SLC17A3: variants seen among roughly 807,000 people sequenced by gnomAD.
SLC17A3 encodes solute carrier family 17 member 3.
A neutral mutation model predicts 60.3 loss-of-function variants in SLC17A3; 61 were observed. That is an observed-to-expected ratio of 1.01 (90% CI 0.82 to 1.25). The LOEUF is 1.25. Among genes scored for constraint, SLC17A3 ranks in the 50% most tolerant of loss-of-function variants. SLC17A3 has a pLI of 0.00. For missense variants in SLC17A3, 624 were observed against 594.9 expected (o/e 1.05, Z -0.51); for synonymous variants, 192 against 208.9 (o/e 0.92, Z 0.70).
chr6:25,846,897 C>G (rs1765183262), intron 11 of SLC17A3, among the ~76,000 whole-genome samples: 1 of 152,094 alleles, frequency 6.6e-6, no homozygotes, highest in Non-Finnish European at 1.5e-5. Flanking sequence ...AGTGTGAGCC[C>G]ACCGCACCTG....
chr6:25,845,619 T>TAGA (rs1407422063), intron 11 of SLC17A3, 103 bp from the exon 12 acceptor site: 3 of 1,320,940 alleles, frequency 2.3e-6, no homozygotes, highest in Non-Finnish European at 2.2e-6. Context: ...GGTTTCCTTG[T>TAGA]AGAAATTCAT....
chr6:25,869,019 T>A (rs1026574707), intron 1 of SLC17A3, among the ~76,000 whole-genome samples: 1 of 152,068 alleles, frequency 6.6e-6, no homozygotes, highest in East Asian at 1.9e-4. Context: ...CGCTGATATG[T>A]GTGTCACTCA....
intron 1 of SLC17A3, among the ~76,000 whole-genome samples, chr6:25,873,736 T>C (rs1236084823): frequency 6.6e-6 from 1 of 152,084 alleles, no homozygotes; most frequent in African/African-American, 2.4e-5. Flanking sequence ...ATAATTATTA[T>C]TGCCACTCTT....
rs1310164509 is a variant in SLC17A3 at position 25,849,529 on chromosome 6, T to A, written c.1272-65A>T. On this transcript the variant is annotated intron_variant, in intron 10 of 12. Transcript: ENST00000397060. ...GTTTGACAGTATCCTTCAGCCCTGA[T>A]CCATGTATGAATCTATAACTCAATT... 5 of 958,622 alleles carry A rather than the reference T, an allele frequency of 5.2e-6. No individual in the cohort carries two copies. In the Admixed American group the frequency reaches 8.5e-5, roughly 16 times the overall value. The allele number at this position is 958,622 out of a possible 1,614,324, so 59.4% of individuals were successfully genotyped here. A position where few individuals can be genotyped will look rare whatever the true frequency, so the allele number is the denominator to read the frequency against.
intron 6 of SLC17A3, among the ~76,000 whole-genome samples, chr6:25,853,714 G>T (rs1172769914): frequency 6.6e-6 from 1 of 151,876 alleles, no homozygotes; most frequent in Non-Finnish European, 1.5e-5. Context: ...CACCGCACCC[G>T]GCCTTCTGCA....
chr6:25,846,845 T>A (rs1448631354), intron 11 of SLC17A3, among the ~76,000 whole-genome samples: 1 of 152,156 alleles, frequency 6.6e-6, no homozygotes, highest in Admixed American at 6.5e-5. Context: ...TCTCCTGACC[T>A]CGTGATTGCC....
chr6:25,846,298 C>T (rs1383018719), intron 11 of SLC17A3, among the ~76,000 whole-genome samples: 1 of 152,124 alleles, frequency 6.6e-6, no homozygotes, highest in East Asian at 1.9e-4. Flanking sequence ...ATGTTCATAG[C>T]AGCCTTATTG....
intron 6 of SLC17A3, among the ~76,000 whole-genome samples, chr6:25,853,171 C>T (rs74802912): frequency 3.3e-5 from 5 of 151,966 alleles, no homozygotes; most frequent in Non-Finnish European, 7.4e-5. Context: ...GTGTAGGCAC[C>T]GTCCTCAGCC....
At chr6:25,863,290 G>A (rs528479042) in intron 2 of SLC17A3, among the ~76,000 whole-genome samples, 2 of 152,210 alleles carry the variant, frequency 1.3e-5, no homozygotes, top group South Asian at 4.1e-4. Context: ...AGTTTCAAAG[G>A]TTAGGTCTCT....
chr6:25,869,218 A>C (rs768398369), intron 1 of SLC17A3, among the ~76,000 whole-genome samples: 16 of 152,100 alleles, frequency 1.1e-4, no homozygotes, highest in Non-Finnish European at 2.1e-4. Context: ...ATGCCCAAGG[A>C]GATTTTTATG....
chr6:25,865,566 ACTAATGG>A (rs1162259783), intron 2 of SLC17A3, among the ~76,000 whole-genome samples: 1 of 151,994 alleles, frequency 6.6e-6, no homozygotes, highest in African/African-American at 2.4e-5. Context: ...AAACCAAGAG[ACTAATGG>A]CTTACAAATG....
chr6:25,846,969 A>G (rs535714203), intron 11 of SLC17A3, among the ~76,000 whole-genome samples: 1 of 152,272 alleles, frequency 6.6e-6, no homozygotes, highest in South Asian at 2.1e-4. Context: ...CAGTTGTGGT[A>G]TATAGGTAAA....
At chr6:25,871,385 A>C (rs528461284) in intron 1 of SLC17A3, among the ~76,000 whole-genome samples, 1 of 151,924 alleles carries the variant, frequency 6.6e-6, no homozygotes, top group East Asian at 2.0e-4. Flanking sequence ...AAAATATCGC[A>C]AGGACAAAAA....
chr6:25,857,672 G>A (rs368467629), intron 5 of SLC17A3, among the ~76,000 whole-genome samples: 4 of 152,122 alleles, frequency 2.6e-5, no homozygotes, highest in Admixed American at 6.5e-5. Flanking sequence ...CTTGCCAAAG[G>A]TCACATTGTT....
At chr6:25,860,679 G>A (rs1390829032) in intron 5 of SLC17A3, among the ~76,000 whole-genome samples, 1 of 152,182 alleles carries the variant, frequency 6.6e-6, no homozygotes, top group African/African-American at 2.4e-5. Context: ...GTAGGCTACT[G>A]AGATTCGTCT....
At chr6:25,865,398 AG>A (rs1255777721) in intron 2 of SLC17A3, among the ~76,000 whole-genome samples, 1 of 151,996 alleles carries the variant, frequency 6.6e-6, no homozygotes, top group Non-Finnish European at 1.5e-5. Context: ...ACTGAAACAT[AG>A]TATCTTTGTA....
chr6:25,868,417 T>A lies in SLC17A3; in HGVS notation c.-30A>T. 1 of 1,560,908 alleles carries A rather than the reference T, an allele frequency of 6.4e-7. No individual in the cohort carries two copies. The highest frequency in any genetic ancestry group is 8.8e-7 in the Non-Finnish European group (1 of 1,132,400). ...TTTCTCCTCTCCTAGTGAATGGTTT[T>A]CACCTATCAGGGAGATATGTAATTC... On this transcript the variant is annotated 5_prime_UTR_variant, in exon 2 of 13. Coordinates refer to ENST00000397060, the MANE Select transcript of SLC17A3 (RefSeq NM_001098486.2).
rs756207553 is a variant in SLC17A3 at position 25,851,319 on chromosome 6, TG to T, written c.713-443del. ...TCTGAATAAAAATCCTTATTATACA[TG>T]TGTTTTGCAATTATTTTCTCCTGGG... On this transcript the variant is annotated intron_variant, in intron 6 of 12. Coordinates refer to ENST00000397060, the MANE Select transcript of SLC17A3 (RefSeq NM_001098486.2). 8.2e-4 allele frequency among the ~76,000 whole-genome samples: 125 copies of T among 152,060 alleles called. 1 individual carries two copies. The highest frequency in any genetic ancestry group is 1.5e-3 in the Non-Finnish European group (102 of 67,942).
At chr6:25,849,742 G>C (rs1765238873) in intron 10 of SLC17A3, 63 bp downstream of exon 10, 1 of 1,572,658 alleles carries the variant, frequency 6.4e-7, no homozygotes, top group Non-Finnish European at 8.7e-7. Flanking sequence ...GGGGATCCCA[G>C]AAAGCTGAAA....
Sources: allele counts gnomAD v4.1 joint callset (sites outside exome capture counted in the v4.1 genomes callset), GRCh38; gene constraint gnomAD v4.1.1; transcripts MANE v1.5; gene names NCBI Gene and HGNC (gene_info 2026-07-23, HGNC 2026-07-21).